The following DNHD1 variants were observed in gnomAD, a reference collection of about 807,000 sequenced individuals.
The protein encoded by DNHD1 is dynein heavy chain domain 1, also known as dynein heavy chain domain-containing protein 1.
Under a neutral mutation model 458.1 loss-of-function variants are expected in DNHD1, and 383 were observed. That is an observed-to-expected ratio of 0.84 (90% CI 0.77 to 0.91). The LOEUF is 0.91. Among genes scored for constraint, DNHD1 ranks in the 40% least tolerant of loss-of-function variants. The pLI, the probability that DNHD1 is intolerant of heterozygous loss-of-function variation, is 0.00. For missense variants in DNHD1, 5,336 were observed against 5,866.1 expected (o/e 0.91, Z 2.95); for synonymous variants, 2,203 against 2,376.9 (o/e 0.93, Z 2.13).
chr11:6,566,708 C>T lies in DNHD1; in HGVS notation c.11328C>T (p.Arg3776=), dbSNP rs1853709054. 6.2e-7 allele frequency: 1 copy of T among 1,612,360 alleles called. No individual in the cohort carries two copies. Among genetic ancestry groups the T allele is most frequent in the Non-Finnish European group, 8.5e-7 (1 of 1,179,162 alleles). The change falls in exon 35 of 43, where the codon CGC becomes CGT. Residue 3776 remains arginine, a synonymous_variant. Transcript: ENST00000254579. ...LCREYPELET[R]WQDLKIRALD... ...GAGAGTATCCTGAACTCGAGACCCG[C>T]TGGCAGGACCTAAAGATCAGAGCCC...
In DNHD1 at chr11:6,556,708, G is replaced by A. The variant is rs1181378305; in HGVS notation, c.7413G>A (p.Val2471=). Residue 2471 remains valine, a synonymous_variant, in exon 25 of 43, where the codon GTG becomes GTA. Transcript: ENST00000254579. The stretch of plus-strand genomic sequence containing the variant: ...ACCCAGAGAAGAGCTGCCAGCCAGT[G>A]TTGGAGACTCTGCGCCAGGCCATGG... ...TSDPEKSCQP[V]LETLRQAMDG... 6.5e-6 allele frequency: 10 copies of A among 1,548,796 alleles called. No individual in the cohort carries two copies. Among genetic ancestry groups the A allele is most frequent in the Non-Finnish European group, 8.7e-6 (10 of 1,144,588 alleles).
Position 6,516,373 on chromosome 11 carries a change from C to T in DNHD1, c.1393-3227C>T, listed in dbSNP as rs150237782. Among the ~76,000 whole-genome samples the T allele has an allele frequency of 8.7e-3, 1,299 of 149,904 alleles. 19 individuals carry two copies. Among genetic ancestry groups the T allele is most frequent in the African/African-American group, 0.03 (1,220 of 40,482 alleles). On this transcript the variant is annotated intron_variant, in intron 7 of 42. Coordinates refer to ENST00000254579, the MANE Select transcript of DNHD1 (RefSeq NM_144666.3). ...TAGTGGCGCAATCTTGGTTGGCTCA[C>T]TGCAACCTCTGCCTCCAGGGTTCAA...
intron 7 of DNHD1, 92 bp downstream of exon 7, chr11:6,511,521 A>G: frequency 2.4e-5 from 37 of 1,514,882 alleles, no homozygotes; most frequent in Non-Finnish European, 3.3e-5. Flanking sequence ...CCTGGAATCC[A>G]CTGTATGACC....
Position 6,498,326 on chromosome 11 carries a change from C to G in DNHD1, c.111C>G (p.Ala37=). 6.2e-7 allele frequency: 1 copy of G among 1,614,236 alleles called. No homozygotes were observed. Among genetic ancestry groups the G allele is most frequent in the Non-Finnish European group, 8.5e-7 (1 of 1,180,050 alleles). Residue 37 remains alanine (A), a synonymous_variant, in exon 3 of 43, where the codon GCC becomes GCG. Transcript: ENST00000254579. ...TGGACAGCAAAGAACAGCCCTTGGCCTGCCAGCAGAAACAGAGGCAGTTCG... is the reference window on the plus strand; with the variant it reads ...TGGACAGCAAAGAACAGCCCTTGGCGTGCCAGCAGAAACAGAGGCAGTTCG... ...CVLDSKEQPL[A]CQQKQRQFVK... is the part of the protein sequence containing the mutation.
At position 6,549,786 on chromosome 11, in the gene DNHD1, G is replaced by T. The variant is rs553700547; in HGVS notation, c.7387+853G>T. Among the ~76,000 whole-genome samples, 4 of 152,278 alleles carry T rather than the reference G, an allele frequency of 2.6e-5. No homozygotes were observed. In the South Asian group the frequency reaches 6.2e-4, roughly 24 times the overall value. ...AACAGAAATTTGTCTCATTCATTTTGGTAGACCCAACAGGAAGTAAGTGCT... is the reference window on the plus strand; with the variant it reads ...AACAGAAATTTGTCTCATTCATTTTTGTAGACCCAACAGGAAGTAAGTGCT... On this transcript the variant is annotated intron_variant, in intron 24 of 42. Coordinates refer to ENST00000254579, the MANE Select transcript of DNHD1 (RefSeq NM_144666.3).
chr11:6,509,171 G>A lies in DNHD1; in HGVS notation c.1134G>A (p.Lys378=). 6.8e-6 allele frequency: 11 copies of A among 1,614,188 alleles called. No homozygotes were observed. The highest frequency in any genetic ancestry group is 8.5e-6 in the Non-Finnish European group (10 of 1,180,034). ...GACCTCTAATTTCTAGTTGGAAGAA[G>A]AATGTGAGATTACAGGGGCTGCATC... ...LLRKSFTCWK[K]NVRLQGLHRL... Residue 378 remains lysine (K), a synonymous_variant, in exon 6 of 43, where the codon AAG becomes AAA. Transcript: ENST00000254579.
In DNHD1 at chr11:6,571,969, A is replaced by C. The variant is rs369191230; in HGVS notation, c.14245A>C (p.Ser4749Arg). 1 of 1,607,270 alleles carries C rather than the reference A, an allele frequency of 6.2e-7. No homozygotes were observed. Among genetic ancestry groups the C allele is most frequent in the East Asian group, 2.2e-5 (1 of 44,728 alleles). ...TCVQRRVHVC[S>R]PPLS ...TGTCCAAAGGAGGGTCCATGTGTGC[A>C]GCCCACCCCTGTCTTGAGCCCGTCT... is the stretch of plus-strand genomic sequence containing the variant. Residue 4749 changes from serine to arginine, a missense_variant, in exon 43 of 43, where the codon AGC becomes CGC. By Grantham distance (110) the Ser-to-Arg change is moderately radical (BLOSUM62 -1). Coordinates refer to ENST00000254579, the MANE Select transcript of DNHD1 (RefSeq NM_144666.3). This position sits in a 1 kb window ranked among gnomAD's most constrained non-coding sequence, Gnocchi z 5.0.
intron 28 of DNHD1, 66 bp from the exon 29 acceptor site, chr11:6,562,916 G>A: frequency 1.3e-6 from 2 of 1,505,158 alleles, no homozygotes; most frequent in Non-Finnish European, 1.8e-6. Context: ...CAGGATCATA[G>A]GGTCTTCTGG....
intron 6 of DNHD1, among the ~76,000 whole-genome samples, chr11:6,509,962 G>A (rs1852303289): frequency 6.6e-6 from 1 of 152,158 alleles, no homozygotes; most frequent in African/African-American, 2.4e-5. Flanking sequence ...ACTAATTGTT[G>A]CTGTTTGGGA....
intron 18 of DNHD1, among the ~76,000 whole-genome samples, chr11:6,541,418 G>A (rs1476995491): frequency 6.6e-6 from 1 of 152,136 alleles, no homozygotes; most frequent in Non-Finnish European, 1.5e-5. Context: ...TATTCTTAGT[G>A]CGCACACACT....
intron 10 of DNHD1, among the ~76,000 whole-genome samples, chr11:6,527,426 G>A (rs1293070942): frequency 6.6e-6 from 1 of 152,202 alleles, no homozygotes; most frequent in Non-Finnish European, 1.5e-5. Flanking sequence ...TGTGTTGTAT[G>A]TGAAAAAGAG....
In DNHD1 at chr11:6,547,122, A is replaced by T. The variant is rs1388497728; in HGVS notation, c.6183A>T (p.Ala2061=). ...GCATCTTTCCCAAGGTACTTCGTGC[A>T]GCCGGTCAGTGTAACAACATGGGCC... The part of the protein sequence containing the change: ...HHGIFPKVLR[A]AGQCNNMGQK... Residue 2061 remains alanine (A), a synonymous_variant, in exon 21 of 43, where the codon GCA becomes GCT. Transcript: ENST00000254579. 20 of 1,551,642 alleles carry T rather than the reference A, an allele frequency of 1.3e-5. No homozygotes were observed. Among genetic ancestry groups the T allele is most frequent in the Non-Finnish European group, 1.5e-5 (17 of 1,147,010 alleles).
intron 6 of DNHD1, 33 bp downstream of exon 6, chr11:6,509,305 T>C: frequency 6.4e-7 from 1 of 1,564,878 alleles, no homozygotes; most frequent in Non-Finnish European, 8.7e-7. Flanking sequence ...TCATTGAGTT[T>C]TTAAAAATTA....
At position 6,547,454 on chromosome 11, in the gene DNHD1, A is replaced by T; in HGVS notation, c.6515A>T (p.His2172Leu). Residue 2172 changes from histidine to leucine, a missense_variant, in exon 21 of 43, where the codon CAC (histidine) becomes CTC (leucine). Physicochemically the swap from His to Leu is moderately conservative, Grantham distance 99. This residue lies in a region of DNHD1 where 3,932 missense variants were observed against 4,365.6 expected (regional missense o/e 0.90). Coordinates refer to ENST00000254579, the MANE Select transcript of DNHD1 (RefSeq NM_144666.3). ...ASLPYEYRLQHRTVAELNHMA... is the reference protein window; with the variant it reads ...ASLPYEYRLQLRTVAELNHMA... ...CTTCCTTATGAGTACCGCCTGCAGC[A>T]CCGGACAGTCGCTGAGCTCAACCAC... 6.4e-7 allele frequency: 1 copy of T among 1,551,420 alleles called. No homozygotes were observed. The highest frequency in any genetic ancestry group is 8.7e-7 in the Non-Finnish European group (1 of 1,146,742).
chr11:6,525,189 G>C (rs1852686090), intron 10 of DNHD1, among the ~76,000 whole-genome samples: 1 of 152,154 alleles, frequency 6.6e-6, no homozygotes. Flanking sequence ...AGAGAGCTCT[G>C]TGTCTGACTC....
chr11:6,515,514 G>A (rs894123395), intron 7 of DNHD1, among the ~76,000 whole-genome samples: 3 of 152,018 alleles, frequency 2.0e-5, no homozygotes, highest in African/African-American at 4.8e-5. Context: ...TCTGTAATAC[G>A]ATTGGAACAT....
At chr11:6,531,878 CAT>C (rs1199572133) in intron 12 of DNHD1, among the ~76,000 whole-genome samples, 1 of 152,044 alleles carries the variant, frequency 6.6e-6, no homozygotes, top group Non-Finnish European at 1.5e-5. Flanking sequence ...TTTTTATAAA[CAT>C]ATATTTTTAT....
rs1196499492 is a variant in DNHD1 at position 6,548,969 on chromosome 11, G to A, written c.7387+36G>A. 6.5e-7 allele frequency: 1 copy of A among 1,543,314 alleles called. No individual in the cohort carries two copies. Among genetic ancestry groups the A allele is most frequent in the South Asian group, 1.2e-5 (1 of 83,270 alleles). On this transcript the variant is annotated intron_variant, in intron 24 of 42. Coordinates refer to ENST00000254579, the MANE Select transcript of DNHD1 (RefSeq NM_144666.3). This position sits in a 1 kb window ranked among gnomAD's most constrained non-coding sequence, Gnocchi z 4.4. ...GCGAAGAGGGAAGGAAGGAGCTACTGTCATCTCTTGAGACTATAAAATCCC... is the reference window on the plus strand; with the variant it reads ...GCGAAGAGGGAAGGAAGGAGCTACTATCATCTCTTGAGACTATAAAATCCC...
At chr11:6,543,016 G>A (rs1431257776) in intron 18 of DNHD1, among the ~76,000 whole-genome samples, 2 of 152,218 alleles carry the variant, frequency 1.3e-5, no homozygotes, top group African/African-American at 4.8e-5. Context: ...GAGGACTGTG[G>A]CCTGCCTCAT....
Sources: allele counts gnomAD v4.1 joint callset (sites outside exome capture counted in the v4.1 genomes callset), GRCh38; gene constraint gnomAD v4.1.1; regional missense constraint gnomAD v4.1.1; non-coding constraint Gnocchi (gnomAD v3.1); transcripts MANE v1.5; gene names NCBI Gene and HGNC (gene_info 2026-07-23, HGNC 2026-07-21).